The following FMR1 variants were observed in gnomAD, a reference collection of about 807,000 sequenced individuals.
FMR1 encodes fragile X messenger ribonucleoprotein 1, also known as FMRP translational regulator 1.
A neutral mutation model predicts 50.6 loss-of-function variants in FMR1; 13 were observed. That is an observed-to-expected ratio of 0.26 (90% CI 0.17 to 0.41). FMR1 has a LOEUF of 0.41. Ranked by LOEUF, FMR1 falls within the 10% of genes least tolerant of loss-of-function variation. The pLI is 1.00. For missense variants in FMR1, 316 were observed against 491.3 expected (o/e 0.64, Z 3.37); for synonymous variants, 138 against 164.1 (o/e 0.84, Z 1.22).
intron 10 of FMR1, among the ~76,000 whole-genome samples, chrX:147,936,817 G>T (rs1346439930): frequency 1.8e-5 from 2 of 111,481 alleles, no homozygotes; most frequent in East Asian, 2.8e-4. Flanking sequence ...TCACTTTATT[G>T]AATTCTTTTT....
intron 12 of FMR1, chrX:147,940,217 G>A (rs2043957207): frequency 1.2e-5 from 2 of 170,152 alleles, no homozygotes; most frequent in South Asian, 2.4e-4. Flanking sequence ...TTTTGATCAG[G>A]ATAAAGCCTT....
chrX:147,934,104 TTTC>T (rs1430279435), intron 9 of FMR1, among the ~76,000 whole-genome samples: 4 of 112,241 alleles, frequency 3.6e-5, no homozygotes, highest in South Asian at 3.6e-4. Flanking sequence ...TAATATTTAT[TTTC>T]TTCTTTACAG....
intron 1 of FMR1, among the ~76,000 whole-genome samples, chrX:147,920,358 A>G (rs1309603448): frequency 8.9e-6 from 1 of 111,911 alleles, no homozygotes; most frequent in Non-Finnish European, 1.9e-5. Context: ...CTCACTGTCT[A>G]AACCTTTATG....
intron 5 of FMR1, 75 bp downstream of exon 5, chrX:147,928,882 A>T: frequency 1.9e-6 from 2 of 1,051,306 alleles, no homozygotes; most frequent in Non-Finnish European, 2.6e-6. Flanking sequence ...CTAGTAGTTT[A>T]AAATTTTTTA....
At chrX:147,938,245 C>T in intron 12 of FMR1, 84 bp downstream of exon 12, 1 of 837,517 alleles carries the variant, frequency 1.2e-6, no homozygotes, top group Non-Finnish European at 1.8e-6. Flanking sequence ...ACAAATGATC[C>T]TCAGGATTAG....
intron 1 of FMR1, among the ~76,000 whole-genome samples, chrX:147,916,772 C>G (rs2042891044): frequency 9.0e-6 from 1 of 111,302 alleles, no homozygotes; most frequent in African/African-American, 3.3e-5. Context: ...ACAGGTCTCA[C>G]TGTCGCCCAG....
In FMR1 at chrX:147,944,689, GC is replaced by G. The variant is rs2044114243; in HGVS notation, c.1472-177del. On this transcript the variant is annotated intron_variant, in intron 14 of 16. Coordinates refer to ENST00000370475, the MANE Select transcript of FMR1 (RefSeq NM_002024.6). ...CAAAATTAACCTCAAATATTGCAAA[GC>G]CCTTCATTTTGAGTTTAAAATTTTG... The G allele has an allele frequency of 5.7e-6, 6 of 1,054,587 alleles. No individual in the cohort carries two copies. In the East Asian group the frequency reaches 2.1e-4, roughly 36 times the overall value. 86.9% of individuals were successfully genotyped at this position (1,054,587 alleles called of 1,213,427 possible). A position where few individuals can be genotyped will look rare whatever the true frequency, so the allele number is the denominator to read the frequency against.
chrX:147,929,159 C>T (rs1197416030), intron 5 of FMR1, among the ~76,000 whole-genome samples: 1 of 111,733 alleles, frequency 8.9e-6, no homozygotes, highest in East Asian at 2.8e-4. Flanking sequence ...AACGATTTCT[C>T]CGTTTTTTTC....
intron 3 of FMR1, among the ~76,000 whole-genome samples, chrX:147,926,632 C>T (rs782333371): frequency 4.1e-4 from 45 of 110,573 alleles, no homozygotes; most frequent in African/African-American, 1.0e-3. Context: ...GGATTACAGT[C>T]GCCCACCACC....
intron 1 of FMR1, among the ~76,000 whole-genome samples, chrX:147,916,428 G>A (rs2042863823): frequency 9.0e-6 from 1 of 110,819 alleles, no homozygotes; most frequent in South Asian, 3.8e-4. Context: ...CCCATACAAC[G>A]GGGCGGGGGG....
intron 9 of FMR1, among the ~76,000 whole-genome samples, chrX:147,934,691 C>T (rs185868799): frequency 9.8e-5 from 11 of 111,937 alleles, no homozygotes; most frequent in African/African-American, 3.6e-4. Context: ...AAAAGTAAAT[C>T]AGCCTTGTTT....
At chrX:147,940,180 C>A (rs7878418) in intron 12 of FMR1, 8,588 of 74,105 alleles carry the variant, frequency 0.12, 505 homozygotes, top group Non-Finnish European at 0.17. Flanking sequence ...AAAAAAAAAA[C>A]AAAAAAGAAA....
chrX:147,933,503 C>A, intron 9 of FMR1: 2 of 940,602 alleles, frequency 2.1e-6, no homozygotes, highest in South Asian at 8.9e-5. Context: ...AGTAATTCTT[C>A]ATTTTGACTT....
chrX:147,913,322 G>T (rs782641960), intron 1 of FMR1: 1 of 112,203 alleles, frequency 8.9e-6, no homozygotes, highest in African/African-American at 3.2e-5. Context: ...GCAGTAGTGC[G>T]TTTGTTGGTA....
In FMR1 at chrX:147,923,371, A is replaced by G. The variant is rs147401708; in HGVS notation, c.104+1386A>G. ...GCTATGCAATAGACAACAGCATCAC[A>G]CCAACAGAGGAATCTTTGATAACTT... is the stretch of plus-strand genomic sequence containing the variant. On this transcript the variant is annotated intron_variant, in intron 2 of 16. Transcript: ENST00000370475. 1.5e-4 allele frequency among the ~76,000 whole-genome samples: 17 copies of G among 111,953 alleles called. No homozygotes were observed. In the East Asian group the frequency reaches 4.5e-3, roughly 30 times the overall value.
chrX:147,929,555 A>G (rs1177482421), intron 5 of FMR1, among the ~76,000 whole-genome samples: 5 of 109,124 alleles, frequency 4.6e-5, no homozygotes, highest in African/African-American at 1.7e-4. Flanking sequence ...CCATAAATAT[A>G]TATACCTACT....
intron 10 of FMR1, 37 bp from the exon 11 acceptor site, chrX:147,937,429 C>CT (rs781950130): frequency 1.0e-6 from 1 of 957,528 alleles, no homozygotes; most frequent in Non-Finnish European, 1.5e-6. Flanking sequence ...TAAATTGGTC[C>CT]TTTTTTTCTC....
chrX:147,936,454 G>A lies in FMR1; in HGVS notation c.881-50G>A, dbSNP rs781857570. The A allele has an allele frequency of 1.4e-5, 11 of 768,849 alleles. No homozygotes were observed. The Admixed American group carries it at 2.4e-4, about 17-fold the overall frequency. 63.4% of individuals were successfully genotyped at this position (768,849 alleles called of 1,213,427 possible). A position where few individuals can be genotyped will look rare whatever the true frequency, so the allele number is the denominator to read the frequency against. Reference sequence around the variant, plus strand: ...AGTTTACAGTAGGGCTGTGCTTACTGCTTTGAGGTATGTGTTTTTAAAACC... The same window carrying A: ...AGTTTACAGTAGGGCTGTGCTTACTACTTTGAGGTATGTGTTTTTAAAACC... On this transcript the variant is annotated intron_variant, in intron 9 of 16. Transcript: ENST00000370475.
intron 1 of FMR1, among the ~76,000 whole-genome samples, chrX:147,918,236 A>G (rs1357289777): frequency 9.0e-6 from 1 of 111,683 alleles, no homozygotes; most frequent in African/African-American, 3.3e-5. Flanking sequence ...AGAAACAGGA[A>G]GATGGAACCT....
Sources: allele counts gnomAD v4.1 joint callset (sites outside exome capture counted in the v4.1 genomes callset), GRCh38; gene constraint gnomAD v4.1.1; transcripts MANE v1.5; gene names NCBI Gene and HGNC (gene_info 2026-07-23, HGNC 2026-07-21).